The following NPC2 variants were observed in gnomAD, a reference collection of about 807,000 sequenced individuals.
NPC2 encodes Niemann-Pick disease type C2 protein.
In NPC2, 14 loss-of-function variants were observed where a neutral mutation model predicts 17.0. The ratio of observed to expected loss-of-function variants is 0.82; its 90% CI spans 0.54 to 1.29. NPC2 has a LOEUF of 1.29. Ranked by LOEUF, NPC2 falls within the 50% of genes most tolerant of loss-of-function variation. The pLI is 0.00. For synonymous variants in NPC2, 75 were observed against 69.3 expected, an observed-to-expected ratio of 1.08 and a Z score of -0.41; for missense variants, 167 against 183.4, an observed-to-expected ratio of 0.91 and a Z score of 0.52.
intron 3 of NPC2, among the ~76,000 whole-genome samples, chr14:74,482,054 C>A (rs1490569584): frequency 1.3e-5 from 2 of 152,184 alleles, no homozygotes; most frequent in East Asian, 3.8e-4. Flanking sequence ...AAATGTAACT[C>A]ATTTAACAGA....
intron 1 of NPC2, among the ~76,000 whole-genome samples, chr14:74,491,597 G>A (rs1347601635): frequency 6.6e-6 from 1 of 152,120 alleles, no homozygotes; most frequent in Non-Finnish European, 1.5e-5. Flanking sequence ...TGACATAGGG[G>A]AAAAAGATTT....
At chr14:74,488,900 A>G (rs2139672563) in intron 1 of NPC2, among the ~76,000 whole-genome samples, 2 of 152,274 alleles carry the variant, frequency 1.3e-5, no homozygotes, top group Middle Eastern at 6.8e-3. Flanking sequence ...CCACTTCTGA[A>G]TTGGGAACTG....
At chr14:74,486,200 G>T in intron 2 of NPC2, 129 bp downstream of exon 2, 1 of 878,902 alleles carries the variant, frequency 1.1e-6, no homozygotes, top group South Asian at 1.4e-5. Context: ...AGCTTTGCAT[G>T]AGGTGCAAAA....
intron 1 of NPC2, 95 bp from the exon 2 acceptor site, chr14:74,486,531 A>T (rs889031341): frequency 6.5e-6 from 6 of 927,440 alleles, no homozygotes; most frequent in Non-Finnish European, 1.0e-5. Context: ...CTGCTCTCCC[A>T]TTTAGGGTCA....
In NPC2 at chr14:74,484,562, G is replaced by A. The variant is rs773861377; in HGVS notation, c.216C>T (p.Ala72=). The part of the protein sequence containing the change: ...TSNIQSKSSK[A]VVHGILMGVP... Reference sequence around the variant, plus strand: ...CGCCCATCAGGATGCCATGCACCACGGCCTTGCTGCTTTTAGACTGAATAT... The same window carrying A: ...CGCCCATCAGGATGCCATGCACCACAGCCTTGCTGCTTTTAGACTGAATAT... Residue 72 remains alanine (A), a synonymous_variant, in exon 3 of 5, where the codon GCC becomes GCT. Coordinates refer to ENST00000555619, the MANE Select transcript of NPC2 (RefSeq NM_006432.5). The A allele has an allele frequency of 1.8e-5, 29 of 1,613,864 alleles. No individual in the cohort carries two copies. The highest frequency in any genetic ancestry group is 1.7e-4 in the Admixed American group (10 of 59,986).
At chr14:74,481,148 T>A (rs1013676944) in intron 3 of NPC2, among the ~76,000 whole-genome samples, 2 of 152,206 alleles carry the variant, frequency 1.3e-5, no homozygotes, top group African/African-American at 4.8e-5. Flanking sequence ...GTGGGCCTGG[T>A]GGGAAGTATT....
At chr14:74,485,085 A>T (rs2086695547) in intron 2 of NPC2, among the ~76,000 whole-genome samples, 1 of 152,018 alleles carries the variant, frequency 6.6e-6, no homozygotes, top group South Asian at 2.1e-4. Context: ...ATCTGAGGTC[A>T]GGAGTTTGAG....
At position 74,484,463 on chromosome 14, in the gene NPC2, CTT is replaced by C; in HGVS notation, c.313_314del (p.Lys105AspfsTer3). 6.2e-7 allele frequency: 1 copy of C among 1,614,060 alleles called. No homozygotes were observed. Among genetic ancestry groups the C allele is most frequent in the Non-Finnish European group, 8.5e-7 (1 of 1,180,022 alleles). ...GTAGTTTATTCAGGTAGCTATAGGT[CTT>C]GTCTTTTTGGATAGGGCAGTTAATT... The part of the protein sequence containing the change: ...SGINCPIQKD[K>X]TYSYLNKLPV... On this transcript the variant is annotated frameshift_variant, in exon 3 of 5. Transcript: ENST00000555619. LOFTEE classifies it high-confidence loss of function.
At chr14:74,484,773 A>AAAAAAAAAAAAAAAC (rs1566602534) in intron 2 of NPC2, among the ~76,000 whole-genome samples, 186 bp from the exon 3 acceptor site, 2 of 145,662 alleles carry the variant, frequency 1.4e-5, no homozygotes, top group African/African-American at 2.6e-5. Flanking sequence ...AAAAAAAAAA[A>AAAAAAAAAAAAAAAC]AAAAACAATC....
upstream of NPC2, chr14:74,493,495 G>T: frequency 2.8e-6 from 3 of 1,060,392 alleles, no homozygotes; most frequent in Non-Finnish European, 4.1e-6. This position sits in a 1 kb window ranked among gnomAD's most constrained non-coding sequence, Gnocchi z 4.1. Flanking sequence ...CCCCTCAGAG[G>T]CCTGACCCGC....
chr14:74,492,007 A>C (rs1041817439), intron 1 of NPC2, among the ~76,000 whole-genome samples: 1 of 152,102 alleles, frequency 6.6e-6, no homozygotes, highest in African/African-American at 2.4e-5. Context: ...TGTAAAACCT[A>C]AGGTCAGTGC....
intron 1 of NPC2, among the ~76,000 whole-genome samples, chr14:74,489,831 C>T (rs893541429): frequency 2.0e-5 from 3 of 152,232 alleles, no homozygotes; most frequent in African/African-American, 4.8e-5. Flanking sequence ...ATCTCTGCTA[C>T]TTACTGTATA....
rs1310092921 is a variant in NPC2, at chr14:74,486,373, A to G, written c.146T>C (p.Leu49Pro). ...VSPCPTQPCQ[L>P]SKGQSYSVNV... ...GACGCTGTAAGACTGTCCTTTGCTC[A>G]GCTGGCAGGGTTGGGTGGGGCATGG... Residue 49 changes from leucine (L) to proline (P), a missense_variant, in exon 2 of 5, where the codon CTG (leucine) becomes CCG (proline). Coordinates refer to ENST00000555619, the MANE Select transcript of NPC2 (RefSeq NM_006432.5). 14 of 1,606,104 alleles carry G rather than the reference A, an allele frequency of 8.7e-6. No homozygotes were observed. Among genetic ancestry groups the G allele is most frequent in the Non-Finnish European group, 1.1e-5 (13 of 1,176,304 alleles).
chr14:74,482,135 T>C (rs2139665826), intron 3 of NPC2, among the ~76,000 whole-genome samples: 1 of 152,330 alleles, frequency 6.6e-6, no homozygotes, highest in Non-Finnish European at 1.5e-5. Context: ...GTAACTGAGG[T>C]TCAGACATGC....
rs528356949 is a variant in NPC2 at position 74,483,071 on chromosome 14, C to T, written c.363+1344G>A. ...ATTTTTGTTGAAAAATATGACCCAA[C>T]GATAGAAGATTCCTACAGAAAGCAA... is the stretch of plus-strand genomic sequence containing the variant. On this transcript the variant is annotated intron_variant, in intron 3 of 4. Coordinates refer to ENST00000555619, the MANE Select transcript of NPC2 (RefSeq NM_006432.5). The T allele has an allele frequency of 5.0e-4, 662 of 1,312,110 alleles. 18 individuals are homozygous for T. In the South Asian group the frequency reaches 6.8e-3, roughly 14 times the overall value. 81.3% of individuals were successfully genotyped at this position (1,312,110 alleles called of 1,614,324 possible).
In NPC2 at chr14:74,493,289, T is replaced by C; in HGVS notation, c.-15A>G. On this transcript the variant is annotated 5_prime_UTR_variant, in exon 1 of 5. Coordinates refer to ENST00000555619, the MANE Select transcript of NPC2 (RefSeq NM_006432.5). This position sits in a 1 kb window ranked among gnomAD's most constrained non-coding sequence, Gnocchi z 4.1. ...AGGAAACGCATCGCGGATAACGAAGTTCCAAGCTCGGGAAAGAAGCAGCGG... is the reference window on the plus strand; with the variant it reads ...AGGAAACGCATCGCGGATAACGAAGCTCCAAGCTCGGGAAAGAAGCAGCGG... 1 of 1,611,442 alleles carries C rather than the reference T, an allele frequency of 6.2e-7. No homozygotes were observed. The highest frequency in any genetic ancestry group is 8.5e-7 in the Non-Finnish European group (1 of 1,179,134).
chr14:74,483,841 TCCTC>T (rs1446063556), intron 3 of NPC2, among the ~76,000 whole-genome samples: 2 of 152,206 alleles, frequency 1.3e-5, no homozygotes, highest in African/African-American at 4.8e-5. Context: ...TTATCATGAT[TCCTC>T]CCTATCAAGC....
chr14:74,493,299 G>A lies in NPC2; in HGVS notation c.-25C>T. 2 of 1,609,170 alleles carry A rather than the reference G, an allele frequency of 1.2e-6. No homozygotes were observed. The highest frequency in any genetic ancestry group is 1.1e-5 in the South Asian group (1 of 89,964). ...TCGCGGATAACGAAGTTCCAAGCTC[G>A]GGAAAGAAGCAGCGGCCGCCCGCGG... is the stretch of plus-strand genomic sequence containing the variant. On this transcript the variant is annotated 5_prime_UTR_variant, in exon 1 of 5. Coordinates refer to ENST00000555619, the MANE Select transcript of NPC2 (RefSeq NM_006432.5). The surrounding 1 kb of genome is among the most constrained non-coding windows in gnomAD (Gnocchi z 4.1).
In NPC2 at chr14:74,480,759, C is replaced by T. The variant is rs2086648246; in HGVS notation, c.384G>A (p.Trp128Ter). 1 of 1,613,660 alleles carries T rather than the reference C, an allele frequency of 6.2e-7. No individual in the cohort carries two copies. The highest frequency in any genetic ancestry group is 1.7e-5 in the Admixed American group (1 of 59,986). ...TTTGGTTTTTGTCATCCTGAAGTTGCCACTCCACCACCAGTTTTATCTGGA... is the reference window on the plus strand; with the variant it reads ...TTTGGTTTTTGTCATCCTGAAGTTGTCACTCCACCACCAGTTTTATCTGGA... ...EYPSIKLVVE[W>*]QLQDDKNQSL... is the part of the protein sequence containing the mutation. The change falls in exon 4 of 5, where the codon TGG (tryptophan) becomes TGA (stop). Residue 128 changes from tryptophan (W) to a stop codon, truncating the protein, a stop_gained. Coordinates refer to ENST00000555619, the MANE Select transcript of NPC2 (RefSeq NM_006432.5). LOFTEE classifies it high-confidence loss of function.
Sources: allele counts gnomAD v4.1 joint callset (sites outside exome capture counted in the v4.1 genomes callset), GRCh38; gene constraint gnomAD v4.1.1; non-coding constraint Gnocchi (gnomAD v3.1); transcripts MANE v1.5; gene names NCBI Gene and HGNC (gene_info 2026-07-23, HGNC 2026-07-21).